The following UBL3 variants were observed in gnomAD, a reference collection of about 807,000 sequenced individuals.
UBL3 encodes the protein ubiquitin like 3.
A neutral mutation model predicts 18.4 loss-of-function variants in UBL3; 6 were observed. The ratio of observed to expected loss-of-function variants is 0.33; its 90% CI spans 0.18 to 0.64. The LOEUF (loss-of-function observed/expected upper bound fraction) is 0.64. Ranked by LOEUF, UBL3 falls within the 30% of genes least tolerant of loss-of-function variation. The pLI, the probability that UBL3 is intolerant of heterozygous loss-of-function variation, is 0.76. For missense variants in UBL3, 109 were observed against 142.9 expected (o/e 0.76, Z 1.21); for synonymous variants, 49 against 46.6 (o/e 1.05, Z -0.21).
intron 1 of UBL3, among the ~76,000 whole-genome samples, chr13:29,830,427 A>C (rs1053216731): frequency 6.6e-6 from 1 of 152,174 alleles, no homozygotes; most frequent in African/African-American, 2.4e-5. Flanking sequence ...CAAAGGAGTA[A>C]GGTAGACAGT....
intron 1 of UBL3, among the ~76,000 whole-genome samples, chr13:29,792,920 T>C (rs9314978): frequency 0.27 from 40,407 of 152,184 alleles, 5,437 homozygotes; most frequent in East Asian, 0.41. Flanking sequence ...GTGCATACTT[T>C]CTAAGCTAAG....
intron 1 of UBL3, among the ~76,000 whole-genome samples, chr13:29,835,020 A>G (rs1306630816): frequency 1.4e-5 from 2 of 147,120 alleles, no homozygotes; most frequent in Non-Finnish European, 1.5e-5. Flanking sequence ...AACATTTATG[A>G]AAAATCTACT....
intron 1 of UBL3, among the ~76,000 whole-genome samples, chr13:29,791,014 G>T (rs555050878): frequency 4.6e-5 from 7 of 152,124 alleles, no homozygotes; most frequent in Non-Finnish European, 1.0e-4. Context: ...TCTGCTAGCT[G>T]TCCATTTCTG....
At chr13:29,828,226 G>A (rs1413342598) in intron 1 of UBL3, among the ~76,000 whole-genome samples, 1 of 152,180 alleles carries the variant, frequency 6.6e-6, no homozygotes, top group Non-Finnish European at 1.5e-5. Context: ...ATGTTGGCCT[G>A]CATTGCTAGG....
intron 1 of UBL3, among the ~76,000 whole-genome samples, chr13:29,814,032 G>A (rs1456086070): frequency 2.0e-5 from 3 of 152,030 alleles, no homozygotes; most frequent in Non-Finnish European, 4.4e-5. Context: ...TGCAAATCAC[G>A]CTTCTTCAGC....
intron 1 of UBL3, among the ~76,000 whole-genome samples, chr13:29,784,838 T>G (rs1452212163): frequency 7.4e-5 from 1 of 13,486 alleles, no homozygotes; most frequent in Non-Finnish European, 2.8e-4. Flanking sequence ...CATACACACA[T>G]GCACACACAC....
At chr13:29,791,964 T>C (rs1049601084) in intron 1 of UBL3, among the ~76,000 whole-genome samples, 2 of 152,194 alleles carry the variant, frequency 1.3e-5, no homozygotes, top group Non-Finnish European at 2.9e-5. Flanking sequence ...ACCAGGCACA[T>C]TTATTATGCG....
intron 1 of UBL3, among the ~76,000 whole-genome samples, chr13:29,845,337 C>A (rs377258811): frequency 4.1e-4 from 62 of 152,132 alleles, no homozygotes; most frequent in African/African-American, 1.4e-3. Flanking sequence ...CTATTCAAGT[C>A]ACACATATAT....
At position 29,766,295 on chromosome 13, in the gene UBL3, T is replaced by C. The variant is rs1198732649; in HGVS notation, c.*960A>G. The C allele has an allele frequency of 6.6e-6, 1 of 152,546 alleles. No homozygotes were observed. The highest frequency in any genetic ancestry group is 1.9e-4 in the East Asian group (1 of 5,190). 9.4% of individuals were successfully genotyped at this position (152,546 alleles called of 1,614,324 possible). On this transcript the variant is annotated 3_prime_UTR_variant, in exon 5 of 5. Transcript: ENST00000380680. ...CTATATAAAGAAACAAAATTAGTAC[T>C]ATGGAGTTTTTTTTTAATTTTAAGA...
At chr13:29,803,548 C>T (rs528382282) in intron 1 of UBL3, among the ~76,000 whole-genome samples, 10 of 151,598 alleles carry the variant, frequency 6.6e-5, no homozygotes, top group Non-Finnish European at 7.4e-5. Context: ...TCATCTTACA[C>T]GCAATGACAT....
chr13:29,822,119 T>C (rs954824592), intron 1 of UBL3, among the ~76,000 whole-genome samples: 10 of 152,226 alleles, frequency 6.6e-5, no homozygotes, highest in Non-Finnish European at 1.2e-4. Flanking sequence ...TTGAACTCAA[T>C]GAACTTTATG....
chr13:29,810,078 A>T (rs1296998950), intron 1 of UBL3, among the ~76,000 whole-genome samples: 5 of 152,132 alleles, frequency 3.3e-5, no homozygotes, highest in Non-Finnish European at 7.4e-5. Flanking sequence ...TTTTAGGAGT[A>T]AAAAATACAA....
At chr13:29,786,079 T>G (rs1243361676) in intron 1 of UBL3, among the ~76,000 whole-genome samples, 1 of 152,206 alleles carries the variant, frequency 6.6e-6, no homozygotes, top group Non-Finnish European at 1.5e-5. Context: ...TACTCTCCCA[T>G]TCTAGAGTTG....
chr13:29,818,931 T>G (rs1031297772), intron 1 of UBL3, among the ~76,000 whole-genome samples: 1 of 152,104 alleles, frequency 6.6e-6, no homozygotes, highest in African/African-American at 2.4e-5. Flanking sequence ...TTGATAATAT[T>G]AGGTAATTGC....
chr13:29,796,453 G>C (rs1015194889), intron 1 of UBL3, among the ~76,000 whole-genome samples: 2 of 152,078 alleles, frequency 1.3e-5, no homozygotes, highest in Non-Finnish European at 2.9e-5. Context: ...AACTGCTGGT[G>C]AATCTTCCCA....
At chr13:29,808,037 TAA>T (rs1181786056) in intron 1 of UBL3, among the ~76,000 whole-genome samples, 1 of 152,152 alleles carries the variant, frequency 6.6e-6, no homozygotes, top group Admixed American at 6.6e-5. Context: ...ATAGTGCTTC[TAA>T]GAGAAATCAG....
intron 1 of UBL3, among the ~76,000 whole-genome samples, chr13:29,830,526 G>A (rs1224581524): frequency 6.6e-6 from 1 of 152,108 alleles, no homozygotes; most frequent in Middle Eastern, 3.2e-3. Flanking sequence ...CCTTCTCTGG[G>A]TACAAAGAAT....
intron 1 of UBL3, among the ~76,000 whole-genome samples, chr13:29,814,486 G>C (rs756926792): frequency 2.0e-5 from 3 of 149,718 alleles, no homozygotes; most frequent in Non-Finnish European, 4.4e-5. Flanking sequence ...TTTTATTTGG[G>C]ATGCCAAGCC....
intron 1 of UBL3, among the ~76,000 whole-genome samples, chr13:29,825,213 C>A (rs1477802168): frequency 2.0e-5 from 3 of 151,134 alleles, no homozygotes; most frequent in Non-Finnish European, 4.5e-5. Flanking sequence ...TCCATATGAA[C>A]TTTAGTTTAT....
Sources: allele counts gnomAD v4.1 joint callset (sites outside exome capture counted in the v4.1 genomes callset), GRCh38; gene constraint gnomAD v4.1.1; transcripts MANE v1.5; gene names NCBI Gene and HGNC (gene_info 2026-07-23, HGNC 2026-07-21).